Variants in EXT1 observed in about 807,000 individuals in gnomAD.
EXT1 encodes exostosin glycosyltransferase 1.
In EXT1, 20 loss-of-function variants were observed where a neutral mutation model predicts 82.5. The ratio of observed to expected loss-of-function variants is 0.24; its 90% CI spans 0.17 to 0.35. EXT1 has a LOEUF of 0.35. Ranked by LOEUF, EXT1 falls within the 10% of genes least tolerant of loss-of-function variation. EXT1 has a pLI of 1.00. For missense variants in EXT1, 757 were observed against 936.5 expected (o/e 0.81, Z 2.50); for synonymous variants, 348 against 350.8 (o/e 0.99, Z 0.09).
intron 1 of EXT1, among the ~76,000 whole-genome samples, chr8:118,079,648 T>C (rs1244279736): frequency 6.6e-6 from 1 of 152,026 alleles, no homozygotes; most frequent in African/African-American, 2.4e-5. Flanking sequence ...CCATTTCTTC[T>C]AACACCGCCC....
At chr8:118,048,532 T>C (rs1586363398) in intron 1 of EXT1, among the ~76,000 whole-genome samples, 1 of 152,172 alleles carries the variant, frequency 6.6e-6, no homozygotes, top group Admixed American at 6.5e-5. Flanking sequence ...CAATTTTTTT[T>C]CCCATTAGAA....
chr8:118,088,699 C>CAA (rs1817471520), intron 1 of EXT1, among the ~76,000 whole-genome samples: 1 of 139,488 alleles, frequency 7.2e-6, no homozygotes, highest in African/African-American at 2.7e-5. Flanking sequence ...TTTTTTTTTT[C>CAA]CTCTGCTTTT....
At chr8:118,021,075 G>A (rs1324654865) in intron 1 of EXT1, among the ~76,000 whole-genome samples, 2 of 152,294 alleles carry the variant, frequency 1.3e-5, no homozygotes, top group East Asian at 3.9e-4. Flanking sequence ...TTCAGTTAGA[G>A]TCAGTGGGAA....
intron 1 of EXT1, among the ~76,000 whole-genome samples, chr8:117,964,803 A>G (rs1202651886): frequency 6.6e-6 from 1 of 152,024 alleles, no homozygotes; most frequent in Non-Finnish European, 1.5e-5. Context: ...ATGCCTGGCT[A>G]ATTTTTGTAT....
intron 1 of EXT1, among the ~76,000 whole-genome samples, chr8:118,053,887 A>G (rs1816755929): frequency 6.6e-6 from 1 of 152,136 alleles, no homozygotes; most frequent in Admixed American, 6.5e-5. Context: ...CCAACACTGA[A>G]ATGAAAATCT....
At chr8:117,895,642 G>A (rs7842122) in intron 1 of EXT1, among the ~76,000 whole-genome samples, 5,865 of 152,226 alleles carry the variant, frequency 0.039, 147 homozygotes, top group East Asian at 0.11. Flanking sequence ...TAATGAGAAT[G>A]TTTACCCACC....
rs1184985472 is a variant in EXT1, at chr8:117,873,447, C to CTT, written c.963-36248_963-36247dup. Among the ~76,000 whole-genome samples, 82 of 99,670 alleles carry CTT rather than the reference C, an allele frequency of 8.2e-4. 2 individuals carry two copies. Among genetic ancestry groups the CTT allele is most frequent in the South Asian group, 1.4e-3 (4 of 2,890 alleles). 65.4% of individuals were successfully genotyped at this position (99,670 alleles called of 152,430 possible). The stretch of plus-strand genomic sequence containing the variant: ...GGTTAAGACCAATGTTGTCCTGTGA[C>CTT]TTTTTTTTTTTTTTTTTTTTTTTTT... On this transcript the variant is annotated intron_variant, in intron 1 of 10. Coordinates refer to ENST00000378204, the MANE Select transcript of EXT1 (RefSeq NM_000127.3).
At chr8:118,010,264 C>T (rs1021134037) in intron 1 of EXT1, among the ~76,000 whole-genome samples, 3 of 147,918 alleles carry the variant, frequency 2.0e-5, no homozygotes, top group Non-Finnish European at 3.0e-5. Flanking sequence ...CCCAGCTACT[C>T]GGGAGGCTGA....
At chr8:117,937,204 T>C (rs1814181724) in intron 1 of EXT1, among the ~76,000 whole-genome samples, 1 of 152,242 alleles carries the variant, frequency 6.6e-6, no homozygotes. Flanking sequence ...CTTTAGTCAT[T>C]AAACAGCATT....
chr8:118,092,736 C>T (rs1327657854), intron 1 of EXT1, among the ~76,000 whole-genome samples: 1 of 152,210 alleles, frequency 6.6e-6, no homozygotes, highest in African/African-American at 2.4e-5. Context: ...GACAGAAAAA[C>T]GTGTAATACA....
At chr8:117,881,461 A>G (rs1048237465) in intron 1 of EXT1, among the ~76,000 whole-genome samples, 3 of 152,208 alleles carry the variant, frequency 2.0e-5, no homozygotes, top group East Asian at 1.9e-4. Flanking sequence ...CCCCGCATTC[A>G]TCACTCATTT....
chr8:118,052,468 A>G (rs2129926291), intron 1 of EXT1, among the ~76,000 whole-genome samples: 1 of 152,314 alleles, frequency 6.6e-6, no homozygotes, highest in Non-Finnish European at 1.5e-5. Flanking sequence ...ACAGCAGTAC[A>G]TTTAACAAGA....
rs970172860 is a variant in EXT1, at chr8:118,111,661, G to C, written c.-615C>G. On this transcript the variant is annotated 5_prime_UTR_variant, in exon 1 of 11. Transcript: ENST00000378204. Reference sequence around the variant, plus strand: ...CGGCGGTGTTTACTCCTGCGCTCGCGGGGCCGGCCCCCGGGACGCGCGGCG... The same window carrying C: ...CGGCGGTGTTTACTCCTGCGCTCGCCGGGCCGGCCCCCGGGACGCGCGGCG... 13 of 369,022 alleles carry C rather than the reference G, an allele frequency of 3.5e-5. No individual in the cohort carries two copies. The South Asian group carries it at 7.9e-4, about 22-fold the overall frequency. The allele number at this position is 369,022 out of a possible 1,614,324, so 22.9% of individuals were successfully genotyped here. A position where few individuals can be genotyped will look rare whatever the true frequency, so the allele number is the denominator to read the frequency against.
Position 117,953,242 on chromosome 8 carries a change from A to C in EXT1, c.963-116041T>G, listed in dbSNP as rs901917440. ...TAGATAGATATACATATATATACATATATCTGCTATAATCTTTCCCTATAA... is the reference window on the plus strand; with the variant it reads ...TAGATAGATATACATATATATACATCTATCTGCTATAATCTTTCCCTATAA... On this transcript the variant is annotated intron_variant, in intron 1 of 10. Transcript: ENST00000378204. Among the ~76,000 whole-genome samples, 3 of 151,674 alleles carry C rather than the reference A, an allele frequency of 2.0e-5. No individual in the cohort carries two copies. The South Asian group carries it at 6.2e-4, about 32-fold the overall frequency.
chr8:117,923,589 G>A (rs1238343051), intron 1 of EXT1, among the ~76,000 whole-genome samples: 1 of 151,852 alleles, frequency 6.6e-6, no homozygotes, highest in Non-Finnish European at 1.5e-5. Context: ...AGCCAGGCAT[G>A]GTGGCGGTTG....
rs537006051 is a variant in EXT1 at position 118,057,670 on chromosome 8, T to G, written c.962+52415A>C. 9.9e-5 allele frequency among the ~76,000 whole-genome samples: 12 copies of G among 121,558 alleles called. No individual in the cohort carries two copies. In the Admixed American group the frequency reaches 1.1e-3, roughly 11 times the overall value. The allele number at this position is 121,558 out of a possible 152,430, so 79.7% of individuals were successfully genotyped here. On this transcript the variant is annotated intron_variant, in intron 1 of 10. Transcript: ENST00000378204. ...GGGGTTCAAAAAATGTCTGGTCTCT[T>G]TAAAAAAAAAATCTAAAGTGAGGCT...
Position 118,110,101 on chromosome 8 carries a change from T to C in EXT1, c.946A>G (p.Asn316Asp). The change falls in exon 1 of 11, where the codon AAC (asparagine) becomes GAC (aspartate). Residue 316 changes from asparagine to aspartate, a missense_variant. By Grantham distance (23) the Asn-to-Asp change is conservative (BLOSUM62 1). This residue lies in a region of EXT1 where 247 missense variants were observed against 330.1 expected (regional missense o/e 0.75). Transcript: ENST00000378204. ...KHKDSRCDRD[N>D]TEYEKYDYRE... is the part of the protein sequence containing the mutation. ...GACACTTACTTCTCATACTCGGTGT[T>C]GTCTCTGTCACAGCGAGAATCCTTG... 6.2e-7 allele frequency: 1 copy of C among 1,614,154 alleles called. No homozygotes were observed. Among genetic ancestry groups the C allele is most frequent in the Non-Finnish European group, 8.5e-7 (1 of 1,180,038 alleles).
intron 1 of EXT1, among the ~76,000 whole-genome samples, chr8:117,845,887 C>G (rs1189124782): frequency 2.6e-5 from 4 of 152,178 alleles, no homozygotes; most frequent in Non-Finnish European, 5.9e-5. Context: ...GCTACTGACC[C>G]CAGTTTACAG....
intron 1 of EXT1, among the ~76,000 whole-genome samples, chr8:118,060,767 C>T (rs145157835): frequency 6.6e-6 from 1 of 152,190 alleles, no homozygotes; most frequent in African/African-American, 2.4e-5. Flanking sequence ...TGTCCAGGAA[C>T]AAGCTGGAAC....
Sources: gnomAD v4.1 joint callset for allele counts (sites outside exome capture counted in the v4.1 genomes callset) on GRCh38, gnomAD v4.1.1 for gene constraint, gnomAD v4.1.1 regional missense constraint, MANE v1.5 for transcripts, NCBI Gene and HGNC (gene_info 2026-07-23, HGNC 2026-07-21) for gene names.